Variants in ZNF398 observed in about 807,000 individuals in gnomAD.
The protein encoded by ZNF398 is zinc finger protein 398.
A neutral mutation model predicts 41.9 loss-of-function variants in ZNF398; 18 were observed. The ratio of observed to expected loss-of-function variants is 0.43; its 90% confidence interval spans 0.30 to 0.64. ZNF398 has a LOEUF of 0.64. ZNF398 is among the 30% of genes least tolerant of loss of function. The pLI is 0.14. For synonymous variants in ZNF398, 260 were observed against 308.8 expected, an observed-to-expected ratio of 0.84 and a Z score of 1.66; for missense variants, 669 against 822.8, an observed-to-expected ratio of 0.81 and a Z score of 2.29.
chr7:149,169,285 A>C (rs1367436352), intron 4 of ZNF398, among the ~76,000 whole-genome samples: 1 of 152,010 alleles, frequency 6.6e-6, no homozygotes, highest in East Asian at 1.9e-4. Context: ...GGGTTTTGCC[A>C]TGTTGGCCAG....
rs1795610466 is a variant in ZNF398, at chr7:149,182,315, C to T, written c.*2514C>T. On this transcript the variant is annotated 3_prime_UTR_variant, in exon 6 of 6. Transcript: ENST00000475153. ...GCAGGTGCGATACTAAGCCTCAGCCCAAGAATAAAAGAGAGTTCAACTGTT... is the reference window on the plus strand; with the variant it reads ...GCAGGTGCGATACTAAGCCTCAGCCTAAGAATAAAAGAGAGTTCAACTGTT... 1 of 152,294 alleles carries T rather than the reference C, an allele frequency of 6.6e-6. No homozygotes were observed. The highest frequency in any genetic ancestry group is 3.4e-3 in the Middle Eastern group (1 of 294). The allele number at this position is 152,294 out of a possible 1,614,324, so 9.4% of individuals were successfully genotyped here.
At chr7:149,153,525 T>G (rs1415751144) in intron 1 of ZNF398, among the ~76,000 whole-genome samples, 1 of 152,178 alleles carries the variant, frequency 6.6e-6, no homozygotes, top group Non-Finnish European at 1.5e-5. Flanking sequence ...ATGGTGTGGT[T>G]GTAGTTTGTA....
chr7:149,174,057 G>C (rs763917957), intron 4 of ZNF398, among the ~76,000 whole-genome samples: 3 of 152,058 alleles, frequency 2.0e-5, no homozygotes, highest in Non-Finnish European at 4.4e-5. Flanking sequence ...GCCTCCCAAA[G>C]TGCTAGGATT....
chr7:149,151,357 C>T (rs927279414), intron 1 of ZNF398: 8 of 777,830 alleles, frequency 1.0e-5, no homozygotes, highest in Admixed American at 3.9e-5. Flanking sequence ...AAGCCAGGAA[C>T]GGGCAGATAC....
At chr7:149,142,020 C>T (rs1472242646) in intron 2 of ZNF398, among the ~76,000 whole-genome samples, 1 of 152,122 alleles carries the variant, frequency 6.6e-6, no homozygotes, top group Non-Finnish European at 1.5e-5. Context: ...ACAGTCATGG[C>T]TTACTACAGC....
At chr7:149,143,271 G>C (rs1181890792), upstream of ZNF398, among the ~76,000 whole-genome samples, 5 of 152,162 alleles carry the variant, frequency 3.3e-5, no homozygotes, top group Non-Finnish European at 5.9e-5. Context: ...TCGGATAAAG[G>C]CTTTAATTTT....
chr7:149,179,843 A>G lies in ZNF398; in HGVS notation c.*42A>G. 6.6e-7 allele frequency: 1 copy of G among 1,506,988 alleles called. No homozygotes were observed. Among genetic ancestry groups the G allele is most frequent in the Non-Finnish European group, 8.9e-7 (1 of 1,124,700 alleles). 93.4% of individuals were successfully genotyped at this position (1,506,988 alleles called of 1,614,324 possible). A position where few individuals can be genotyped will look rare whatever the true frequency, so the allele number is the denominator to read the frequency against. On this transcript the variant is annotated 3_prime_UTR_variant, in exon 6 of 6. Transcript: ENST00000475153. This position sits in a 1 kb window ranked among gnomAD's most constrained non-coding sequence, Gnocchi z 6.1. ...CTTCATGCTTGTATATGCTCACAGC[A>G]GGGCACAAAATCCAAGAGAAGGTCT...
intron 2 of ZNF398, among the ~76,000 whole-genome samples, chr7:149,162,348 AT>A (rs897186402): frequency 3.3e-5 from 5 of 151,890 alleles, no homozygotes; most frequent in African/African-American, 9.7e-5. Context: ...CGCCTGGCTA[AT>A]TTTTTTATAT....
At chr7:149,137,969 G>T (rs1826748334) in intron 2 of ZNF398, among the ~76,000 whole-genome samples, 2 of 151,946 alleles carry the variant, frequency 1.3e-5, no homozygotes, top group South Asian at 4.1e-4. Context: ...GAAGGCCGAG[G>T]CGGGCGGATC....
upstream of ZNF398, chr7:149,147,225 G>C (rs1826965246): frequency 6.6e-6 from 1 of 152,284 alleles, no homozygotes; most frequent in African/African-American, 2.4e-5. This position sits in a 1 kb window ranked among gnomAD's most constrained non-coding sequence, Gnocchi z 5.6. Context: ...CGGCTTTGCG[G>C]CTGGGTCCTA....
intron 2 of ZNF398, among the ~76,000 whole-genome samples, chr7:149,136,584 T>C (rs1459782973): frequency 1.3e-5 from 2 of 152,192 alleles, no homozygotes; most frequent in African/African-American, 4.8e-5. Context: ...TTTTTCTTTT[T>C]TGAGATGGAG....
intron 2 of ZNF398, among the ~76,000 whole-genome samples, chr7:149,141,169 ATAAATCATCTT>A (rs1264360273): frequency 6.6e-6 from 1 of 152,112 alleles, no homozygotes; most frequent in Non-Finnish European, 1.5e-5. Context: ...CACATATATG[ATAAATCATCTT>A]TAAATCATCT....
intron 2 of ZNF398, among the ~76,000 whole-genome samples, chr7:149,133,678 T>TATATATATATATACACAC (rs1483673161): frequency 1.3e-4 from 9 of 67,004 alleles, no homozygotes; most frequent in African/African-American, 5.5e-4. Context: ...TATATATATA[T>TATATATATATATACACAC]ACATATATAT....
intron 1 of ZNF398, among the ~76,000 whole-genome samples, chr7:149,128,132 T>C (rs770801776): frequency 6.6e-6 from 1 of 152,204 alleles, no homozygotes; most frequent in Non-Finnish European, 1.5e-5. Context: ...AGGTACTGTC[T>C]GAAGAGGTCC....
At chr7:149,154,370 G>C (rs1794926148) in intron 2 of ZNF398, 30 bp downstream of exon 2, 1 of 1,566,948 alleles carries the variant, frequency 6.4e-7, no homozygotes, top group Non-Finnish European at 8.6e-7. Context: ...ATGTAAAGTG[G>C]TACCACTAGA....
At chr7:149,160,385 T>A (rs73160360) in intron 2 of ZNF398, among the ~76,000 whole-genome samples, 13,978 of 152,032 alleles carry the variant, frequency 0.092, 835 homozygotes, top group South Asian at 0.14. Flanking sequence ...GAGCTGAGAG[T>A]ATAGACCAGT....
intron 2 of ZNF398, among the ~76,000 whole-genome samples, chr7:149,140,488 G>A (rs968136455): frequency 6.6e-6 from 1 of 151,950 alleles, no homozygotes; most frequent in African/African-American, 2.4e-5. Context: ...AGGTTCAAGC[G>A]ATCCTCCTGC....
intron 2 of ZNF398, among the ~76,000 whole-genome samples, chr7:149,133,654 A>AATATATAT (rs146151029): frequency 4.6e-4 from 33 of 71,834 alleles, no homozygotes; most frequent in African/African-American, 9.8e-4. Flanking sequence ...GTGTTTTTTA[A>AATATATAT]ATATATATAT....
intron 4 of ZNF398, among the ~76,000 whole-genome samples, chr7:149,174,944 T>C (rs1349566215): frequency 3.9e-5 from 6 of 152,218 alleles, no homozygotes; most frequent in Admixed American, 3.9e-4. Flanking sequence ...TTTTTCCTTA[T>C]AGATATGTAT....
Sources: allele counts gnomAD v4.1 joint callset (sites outside exome capture counted in the v4.1 genomes callset), GRCh38; gene constraint gnomAD v4.1.1; non-coding constraint Gnocchi (gnomAD v3.1); transcripts MANE v1.5; gene names NCBI Gene and HGNC (gene_info 2026-07-23, HGNC 2026-07-21).